Variants in RBMS1 observed in about 807,000 individuals in gnomAD.
RBMS1 encodes RNA-binding motif, single-stranded-interacting protein 1.
RBMS1 carries 17 observed loss-of-function variants against 62.3 expected under a neutral mutation model. The observed-to-expected ratio is 0.27, with a 90% CI of 0.19 to 0.41. The LOEUF (loss-of-function observed/expected upper bound fraction) is 0.41. Ranked by LOEUF, RBMS1 falls within the 10% of genes least tolerant of loss-of-function variation. RBMS1 has a pLI of 1.00. For missense variants in RBMS1, 334 were observed against 504.5 expected (o/e 0.66, Z 3.24); for synonymous variants, 172 against 170.0 (o/e 1.01, Z -0.09).
chr2:160,351,957 A>G (rs1692538683), intron 2 of RBMS1, among the ~76,000 whole-genome samples: 1 of 152,130 alleles, frequency 6.6e-6, no homozygotes, highest in African/African-American at 2.4e-5. Flanking sequence ...CAACACCACA[A>G]GACAAAAATA....
intron 2 of RBMS1, among the ~76,000 whole-genome samples, chr2:160,342,769 C>CAAAAAA (rs550170417): frequency 2.1e-4 from 25 of 117,278 alleles, no homozygotes; most frequent in South Asian, 2.9e-4. Context: ...ATACAAAATA[C>CAAAAAA]AAAAAAAAAA....
At chr2:160,439,151 C>T (rs1683271735) in intron 1 of RBMS1, among the ~76,000 whole-genome samples, 1 of 150,584 alleles carries the variant, frequency 6.6e-6, no homozygotes, top group Admixed American at 6.6e-5. Context: ...GGGCTGATCC[C>T]CCCACCTCCC....
At chr2:160,376,646 T>C (rs1375857662) in intron 1 of RBMS1, among the ~76,000 whole-genome samples, 1 of 151,968 alleles carries the variant, frequency 6.6e-6, no homozygotes, top group Non-Finnish European at 1.5e-5. Context: ...CTTATTTTAT[T>C]TTTTTAAGAG....
At chr2:160,486,546 A>G (rs776449525) in intron 1 of RBMS1, among the ~76,000 whole-genome samples, 3 of 152,188 alleles carry the variant, frequency 2.0e-5, no homozygotes, top group Admixed American at 6.5e-5. Flanking sequence ...GCCCAACTGC[A>G]TAGCGCATGT....
intron 1 of RBMS1, among the ~76,000 whole-genome samples, chr2:160,458,018 G>A (rs1037516682): frequency 9.2e-5 from 14 of 151,908 alleles, no homozygotes; most frequent in African/African-American, 1.9e-4. Context: ...CACCCTGGCC[G>A]AGTGGTGTGA....
chr2:160,476,187 TCATG>T (rs905103237), intron 1 of RBMS1, among the ~76,000 whole-genome samples: 39 of 152,236 alleles, frequency 2.6e-4, no homozygotes, highest in African/African-American at 9.2e-4. Context: ...CACATTATAT[TCATG>T]ATATTTAACT....
chr2:160,427,747 C>T (rs189881961), intron 1 of RBMS1, among the ~76,000 whole-genome samples: 1 of 152,208 alleles, frequency 6.6e-6, no homozygotes, highest in African/African-American at 2.4e-5. Flanking sequence ...CAGCAGGGTG[C>T]CTGTGTCCAG....
intron 1 of RBMS1, among the ~76,000 whole-genome samples, chr2:160,376,058 C>G (rs1323551614): frequency 9.2e-5 from 14 of 152,126 alleles, no homozygotes. Context: ...AGTCTATCTA[C>G]AGTACAGTCT....
intron 1 of RBMS1, among the ~76,000 whole-genome samples, chr2:160,375,887 A>G (rs955156104): frequency 6.9e-6 from 1 of 144,668 alleles, no homozygotes; most frequent in Non-Finnish European, 1.5e-5. Context: ...TTTTTACTCA[A>G]AATAAATGGA....
intron 2 of RBMS1, among the ~76,000 whole-genome samples, chr2:160,344,207 C>T (rs548919522): frequency 3.3e-5 from 5 of 152,202 alleles, no homozygotes; most frequent in Admixed American, 6.5e-5. Flanking sequence ...GTAAAACTAA[C>T]GATGCCACAT....
intron 1 of RBMS1, among the ~76,000 whole-genome samples, chr2:160,437,025 A>T (rs1683139089): frequency 6.6e-6 from 1 of 152,204 alleles, no homozygotes; most frequent in Non-Finnish European, 1.5e-5. Flanking sequence ...AGAAGTCTAC[A>T]ATGCTCAAAG....
intron 1 of RBMS1, among the ~76,000 whole-genome samples, chr2:160,485,515 C>T (rs939641286): frequency 1.3e-5 from 2 of 152,144 alleles, no homozygotes; most frequent in Admixed American, 6.5e-5. Context: ...TACAGGTTCG[C>T]TGGGGACCAT....
chr2:160,279,448 G>GT (rs1687996894), intron 10 of RBMS1: 1 of 152,078 alleles, frequency 6.6e-6, no homozygotes, highest in South Asian at 2.1e-4. Flanking sequence ...CATAGCCTCT[G>GT]TGTGTTTCTG....
rs957195327 is a variant in RBMS1, at chr2:160,459,878, A to G, written c.75+33411T>C. On this transcript the variant is annotated intron_variant, in intron 1 of 13. Transcript: ENST00000348849. ...TTGAAACCAATGTGCACAAAAGTAT[A>G]TATTAGGAACACAGGAACTTCCTCT... Among the ~76,000 whole-genome samples, 12 of 152,334 alleles carry G rather than the reference A, an allele frequency of 7.9e-5. 1 individual carries two copies. In the Middle Eastern group the frequency reaches 0.01, roughly 130 times the overall value.
intron 1 of RBMS1, among the ~76,000 whole-genome samples, chr2:160,426,330 G>GAAGGAAGGA (rs1682615483): frequency 1.7e-5 from 2 of 119,556 alleles, no homozygotes; most frequent in Admixed American, 1.6e-4. Context: ...AGGAAGGAAG[G>GAAGGAAGGA]AAGGAAAGGA....
chr2:160,493,542 T>TCCTCCTCCTCCTCTTCC lies in RBMS1; in HGVS notation c.-180_-179insGGAAGAGGAGGAGGAGG. On this transcript the variant is annotated 5_prime_UTR_variant, in exon 1 of 14. Coordinates refer to ENST00000348849, the MANE Select transcript of RBMS1 (RefSeq NM_016836.4). ...AGACGTCCTCCTCCTCCTCCTCCTC[T>TCCTCCTCCTCCTCTTCC]TCCTCCTCCTCCTCCTCCTCCTCCT... The TCCTCCTCCTCCTCTTCC allele has an allele frequency of 2.0e-6, 1 of 494,570 alleles. No homozygotes were observed. Among genetic ancestry groups the TCCTCCTCCTCCTCTTCC allele is most frequent in the Non-Finnish European group, 3.5e-6 (1 of 283,136 alleles). 30.6% of individuals were successfully genotyped at this position (494,570 alleles called of 1,614,324 possible).
intron 4 of RBMS1, among the ~76,000 whole-genome samples, chr2:160,310,533 A>G (rs1181301971): frequency 2.0e-5 from 3 of 152,230 alleles, no homozygotes; most frequent in South Asian, 4.1e-4. Context: ...TACCAAACAC[A>G]TATCAACCAG....
chr2:160,465,375 G>A (rs1194464702), intron 1 of RBMS1, among the ~76,000 whole-genome samples: 2 of 152,182 alleles, frequency 1.3e-5, no homozygotes, highest in African/African-American at 4.8e-5. Flanking sequence ...ACTCGATATT[G>A]TTGGCTAACT....
At chr2:160,359,362 C>G (rs909210534) in intron 2 of RBMS1, among the ~76,000 whole-genome samples, 6 of 152,084 alleles carry the variant, frequency 3.9e-5, no homozygotes, top group African/African-American at 1.4e-4. Flanking sequence ...GCATGTGTGT[C>G]TCTTTCTTTC....
Sources: gnomAD v4.1 joint callset for allele counts (sites outside exome capture counted in the v4.1 genomes callset) on GRCh38, gnomAD v4.1.1 for gene constraint, MANE v1.5 for transcripts, NCBI Gene and HGNC (gene_info 2026-07-23, HGNC 2026-07-21) for gene names.